ZNF705A: variants seen among roughly 807,000 people sequenced by gnomAD.
ZNF705A encodes the protein zinc finger protein 705A.
Under a neutral mutation model 16.6 loss-of-function variants are expected in ZNF705A, and 8 were observed. The ratio of observed to expected loss-of-function variants is 0.48; its 90% CI spans 0.28 to 0.87. The LOEUF (loss-of-function observed/expected upper bound fraction) is 0.87, where lower values mean the gene tolerates loss of function less well. Among genes scored for constraint, ZNF705A ranks in the 40% least tolerant of loss-of-function variants. The probability of loss-of-function intolerance (pLI) is 0.10; values close to 1 mark genes in which losing one functional copy is unlikely to be tolerated. For synonymous variants in ZNF705A, 73 were observed against 117.3 expected (o/e 0.62, Z 2.44); for missense variants, 233 against 359.9 (o/e 0.65, Z 2.85).
intron 1 of ZNF705A, among the ~76,000 whole-genome samples, chr12:8,158,889 A>C (rs1948331179): frequency 6.6e-6 from 1 of 152,090 alleles, no homozygotes; most frequent in South Asian, 2.1e-4. Flanking sequence ...TTTTGTGGTG[A>C]TTTGTGAGAT....
upstream of ZNF705A, among the ~76,000 whole-genome samples, chr12:8,169,980 A>C (rs764761790): frequency 6.6e-6 from 1 of 152,322 alleles, no homozygotes; most frequent in African/African-American, 2.4e-5. Context: ...ACCTGAGGTC[A>C]GGAGTTCCAG....
exon 5 of ZNF705A, chr12:8,177,853 C>G (rs1412366337): frequency 3.5e-6 from 2 of 566,512 alleles, no homozygotes; most frequent in African/African-American, 3.7e-5. Context: ...ATGGAAGATA[C>G]TTCAGTTACC....
At chr12:8,170,114 G>A (rs779252200), upstream of ZNF705A, among the ~76,000 whole-genome samples, 169 of 151,610 alleles carry the variant, frequency 1.1e-3, no homozygotes, top group African/African-American at 3.3e-3. Flanking sequence ...GCTTGAACCC[G>A]GGAGGTGGAG....
chr12:8,157,371 A>T (rs1213001465), intron 1 of ZNF705A, among the ~76,000 whole-genome samples: 1 of 152,150 alleles, frequency 6.6e-6, no homozygotes, highest in African/African-American at 2.4e-5. Context: ...AGCATTTCCT[A>T]CTATGCCCAA....
rs1948489606 is a variant in ZNF705A at position 8,177,039 on chromosome 12, A to G, written c.359A>G (p.Asp120Gly). 1.9e-6 allele frequency: 3 copies of G among 1,611,088 alleles called. No homozygotes were observed. In the African/African-American group the frequency reaches 4.0e-5, roughly 21 times the overall value. ...CTGGAGGATCCTTTTGAATGTAATG[A>G]TTCGGGAGAAGATTGCACTCACAGT... is the stretch of plus-strand genomic sequence containing the variant. Residue 120 changes from aspartate to glycine, a missense_variant, in exon 5 of 5, where the codon GAT becomes GGT. Asp to Gly is a moderately conservative substitution (Grantham distance 94). This residue lies in a region of ZNF705A where 220 missense variants were observed against 271.4 expected (regional missense o/e 0.81). Transcript: ENST00000359286.
chr12:8,175,868 A>T, exon 4 of ZNF705A: 1 of 1,611,508 alleles, frequency 6.2e-7, no homozygotes, highest in Non-Finnish European at 8.5e-7. Context: ...AGACAGGGAA[A>T]GTGCCCTTAA....
intron 1 of ZNF705A, among the ~76,000 whole-genome samples, chr12:8,159,352 A>G (rs1273147718): frequency 6.6e-6 from 1 of 152,172 alleles, no homozygotes; most frequent in Non-Finnish European, 1.5e-5. Flanking sequence ...TTGCTGGATC[A>G]AATTATAGTT....
chr12:8,165,195 T>G (rs1382619287), intron 1 of ZNF705A, among the ~76,000 whole-genome samples: 2 of 152,068 alleles, frequency 1.3e-5, no homozygotes, highest in Non-Finnish European at 1.5e-5. Flanking sequence ...ACCCTGATGA[T>G]TAGAGATGGT....
chr12:8,161,671 G>A (rs1048407492), intron 1 of ZNF705A, among the ~76,000 whole-genome samples: 7 of 152,108 alleles, frequency 4.6e-5, no homozygotes, highest in Admixed American at 1.3e-4. Context: ...CAGGTGGAAA[G>A]GTTAAAACAT....
chr12:8,172,496 G>T, upstream of ZNF705A: 1 of 995,250 alleles, frequency 1.0e-6, no homozygotes, highest in Non-Finnish European at 1.4e-6. Context: ...GCTTTTCATC[G>T]GTTGATCTGA....
intron 1 of ZNF705A, among the ~76,000 whole-genome samples, chr12:8,166,704 G>C (rs1050557162): frequency 6.6e-6 from 1 of 152,364 alleles, no homozygotes. Context: ...AATTGCCAAG[G>C]CTTGTGGCTT....
chr12:8,157,538 G>A (rs114842103), intron 1 of ZNF705A, among the ~76,000 whole-genome samples: 1 of 152,224 alleles, frequency 6.6e-6, no homozygotes, highest in African/African-American at 2.4e-5. Context: ...GAGAACATTT[G>A]ACCCTATATA....
At chr12:8,160,794 T>A (rs1456375037) in intron 1 of ZNF705A, among the ~76,000 whole-genome samples, 2 of 152,170 alleles carry the variant, frequency 1.3e-5, no homozygotes, top group Non-Finnish European at 2.9e-5. Flanking sequence ...GACTTCCTCT[T>A]TACTGATTTG....
At chr12:8,164,966 T>C (rs1948385831) in intron 1 of ZNF705A, among the ~76,000 whole-genome samples, 1 of 152,182 alleles carries the variant, frequency 6.6e-6, no homozygotes, top group Admixed American at 6.5e-5. Context: ...TGTAAAAGTG[T>C]TCTTATATCT....
chr12:8,160,855 G>A (rs549615734), intron 1 of ZNF705A, among the ~76,000 whole-genome samples: 3 of 152,034 alleles, frequency 2.0e-5, no homozygotes, highest in Non-Finnish European at 4.4e-5. Flanking sequence ...AGGACTTCCA[G>A]TACCATGTTG....
chr12:8,177,846 G>C (rs1441257205), exon 5 of ZNF705A: 2 of 592,392 alleles, frequency 3.4e-6, no homozygotes, highest in Non-Finnish European at 5.8e-6. Flanking sequence ...AATCAACATG[G>C]AAGATACTTC....
Position 8,158,446 on chromosome 12 carries a change from T to C in ZNF705A, c.-72+1354T>C, listed in dbSNP as rs115945660. Among the ~76,000 whole-genome samples the C allele has an allele frequency of 3.1e-3, 478 of 152,254 alleles. 5 individuals carry two copies. Among genetic ancestry groups the C allele is most frequent in the African/African-American group, 9.5e-3 (397 of 41,584 alleles). The stretch of plus-strand genomic sequence containing the variant: ...TAGCATACTGTTTTTGAGATTTATC[T>C]ATGTTATTTTTGCTGCCAGTAGTTA... On this transcript the variant is annotated intron_variant, in intron 1 of 5. Transcript: ENST00000396570.
chr12:8,172,584 T>C lies in ZNF705A; in HGVS notation c.-42T>C. The C allele has an allele frequency of 6.3e-7, 1 of 1,596,344 alleles. No homozygotes were observed. Among genetic ancestry groups the C allele is most frequent in the Non-Finnish European group, 8.5e-7 (1 of 1,179,672 alleles). Reference sequence around the variant, plus strand: ...TCTTAGTGCCTAAAGTGTCTGCACATGGAAATCCAGAGGTAGACAGAGAGA... The same window carrying C: ...TCTTAGTGCCTAAAGTGTCTGCACACGGAAATCCAGAGGTAGACAGAGAGA... On this transcript the variant is annotated 5_prime_UTR_variant, in exon 1 of 5. An upstream start codon of the reference 5' UTR is lost. Transcript: ENST00000359286.
chr12:8,176,338 G>A (rs1016538376), intron 4 of ZNF705A, among the ~76,000 whole-genome samples: 1 of 152,134 alleles, frequency 6.6e-6, no homozygotes, highest in African/African-American at 2.4e-5. Flanking sequence ...CCAAAGTTAA[G>A]GACATGCACC....
Sources: gnomAD v4.1 joint callset for allele counts (sites outside exome capture counted in the v4.1 genomes callset) on GRCh38, gnomAD v4.1.1 for gene constraint, gnomAD v4.1.1 regional missense constraint, MANE v1.5 for transcripts, NCBI Gene and HGNC (gene_info 2026-07-23, HGNC 2026-07-21) for gene names.